The following CASK variants were observed in gnomAD, a reference collection of about 807,000 sequenced individuals.
CASK encodes the protein peripheral plasma membrane protein CASK.
CASK carries 4 observed loss-of-function variants against 82.9 expected under a neutral mutation model. The observed-to-expected ratio is 0.05, with a 90% CI of 0.02 to 0.11. The LOEUF (loss-of-function observed/expected upper bound fraction) is 0.11, where lower values mean the gene tolerates loss of function less well. CASK is among the 10% of genes least tolerant of loss of function. CASK has a pLI of 1.00. For missense variants in CASK, 358 were observed against 720.9 expected (o/e 0.50, Z 5.76); for synonymous variants, 259 against 253.5 (o/e 1.02, Z -0.20).
At chrX:41,760,271 G>A (rs751396198) in intron 3 of CASK, among the ~76,000 whole-genome samples, 1 of 112,033 alleles carries the variant, frequency 8.9e-6, no homozygotes, top group South Asian at 3.7e-4. Flanking sequence ...ACTAAAGTGA[G>A]GGGGAGGGAC....
At chrX:41,624,756 A>G (rs1236239776) in intron 10 of CASK, among the ~76,000 whole-genome samples, 1 of 111,719 alleles carries the variant, frequency 9.0e-6, no homozygotes, top group African/African-American at 3.3e-5. Flanking sequence ...GAGGAGAAGC[A>G]TAAATACTGA....
chrX:41,807,347 C>A (rs778839732), intron 2 of CASK, among the ~76,000 whole-genome samples: 1 of 111,476 alleles, frequency 9.0e-6, no homozygotes, highest in Non-Finnish European at 1.9e-5. Context: ...AAGGAAGATG[C>A]CATCAGAACC....
intron 8 of CASK, among the ~76,000 whole-genome samples, chrX:41,637,757 C>T (rs1489441827): frequency 9.0e-6 from 1 of 110,663 alleles, no homozygotes. Context: ...AATCCTCCCA[C>T]CTCAGCCTCC....
intron 2 of CASK, among the ~76,000 whole-genome samples, chrX:41,837,545 A>G (rs1177839018): frequency 8.9e-6 from 1 of 112,303 alleles, no homozygotes; most frequent in Non-Finnish European, 1.9e-5. Context: ...TCTGTTCTCC[A>G]GTTCTATAAT....
At chrX:41,800,138 TCTC>T (rs1307360625) in intron 2 of CASK, among the ~76,000 whole-genome samples, 1 of 111,008 alleles carries the variant, frequency 9.0e-6, no homozygotes, top group Non-Finnish European at 1.9e-5. Flanking sequence ...GCAGCTCCCA[TCTC>T]CTTCAACTTC....
chrX:41,598,134 G>GACACACACACACACACAC (rs757204318), intron 12 of CASK, among the ~76,000 whole-genome samples: 20 of 99,921 alleles, frequency 2.0e-4, no homozygotes, highest in African/African-American at 6.3e-4. Flanking sequence ...CTGAGGCCCT[G>GACACACACACACACACAC]ACACACACAC....
chrX:41,668,463 A>G (rs1352457413), intron 6 of CASK, among the ~76,000 whole-genome samples: 6 of 111,994 alleles, frequency 5.4e-5, no homozygotes, highest in African/African-American at 1.9e-4. Flanking sequence ...TAGATGCTCA[A>G]TTGTGAGGAG....
At chrX:41,770,001 G>A (rs757156812) in intron 3 of CASK, among the ~76,000 whole-genome samples, 115 of 110,796 alleles carry the variant, frequency 1.0e-3, no homozygotes, top group African/African-American at 3.7e-3. Flanking sequence ...CATCATCTTA[G>A]GCCAATAATT....
At chrX:41,565,333 C>A in intron 16 of CASK, among the ~76,000 whole-genome samples, 1 of 111,076 alleles carries the variant, frequency 9.0e-6, no homozygotes, top group East Asian at 2.8e-4. Flanking sequence ...ATTGATAGAC[C>A]GCTAGCAAGA....
chrX:41,651,917 A>G (rs1229944799), intron 8 of CASK, among the ~76,000 whole-genome samples: 1 of 111,504 alleles, frequency 9.0e-6, no homozygotes, highest in African/African-American at 3.3e-5. Context: ...GACAATAAAC[A>G]TATAAGTAAC....
At chrX:41,917,552 C>G (rs1417710694) in intron 1 of CASK, among the ~76,000 whole-genome samples, 1 of 111,862 alleles carries the variant, frequency 8.9e-6, no homozygotes, top group Non-Finnish European at 1.9e-5. Flanking sequence ...AGGAAATATC[C>G]AGGTACACAA....
intron 16 of CASK, among the ~76,000 whole-genome samples, chrX:41,566,781 A>ACAAT (rs749449774): frequency 0.27 from 29,341 of 110,613 alleles, 3,446 homozygotes; most frequent in Non-Finnish European, 0.37. Context: ...CATTGCCAAG[A>ACAAT]CAATCCTAAG....
At chrX:41,883,006 C>T (rs1441088961) in intron 1 of CASK, among the ~76,000 whole-genome samples, 1 of 111,923 alleles carries the variant, frequency 8.9e-6, no homozygotes, top group Non-Finnish European at 1.9e-5. Flanking sequence ...AAAGAAAAGA[C>T]TTTAAGGAAA....
chrX:41,718,002 G>T (rs1272978230), intron 5 of CASK, among the ~76,000 whole-genome samples: 2 of 112,412 alleles, frequency 1.8e-5, no homozygotes, highest in Non-Finnish European at 3.8e-5. Flanking sequence ...GGATGACAAG[G>T]TTGGAACATT....
chrX:41,635,611 A>C (rs1349615763), intron 9 of CASK: 1 of 111,199 alleles, frequency 9.0e-6, no homozygotes, highest in Non-Finnish European at 1.9e-5. Flanking sequence ...AGTGCTGAAA[A>C]GATTCCATTA....
Position 41,524,048 on chromosome X carries a change from A to C in CASK, c.2521-14T>G. ...GACCTTCAGTGCCTGTGTTAAGAAAAAAAAAAAAAATCCCGACTTAAAAGA... is the reference window on the plus strand; with the variant it reads ...GACCTTCAGTGCCTGTGTTAAGAAACAAAAAAAAAATCCCGACTTAAAAGA... On this transcript the variant is annotated splice_polypyrimidine_tract_variant and intron_variant, in intron 25 of 26. Transcript: ENST00000378163. 9.0e-7 allele frequency: 1 copy of C among 1,108,974 alleles called. No individual in the cohort carries two copies. The highest frequency in any genetic ancestry group is 1.2e-6 in the Non-Finnish European group (1 of 812,730). 91.4% of individuals were successfully genotyped at this position (1,108,974 alleles called of 1,213,427 possible). A position where few individuals can be genotyped will look rare whatever the true frequency, so the allele number is the denominator to read the frequency against.
At chrX:41,614,871 T>C (rs747861957) in intron 11 of CASK, among the ~76,000 whole-genome samples, 5 of 110,424 alleles carry the variant, frequency 4.5e-5, no homozygotes, top group Non-Finnish European at 5.7e-5. Context: ...CAGGTTGGAG[T>C]GCAGTGGCAC....
chrX:41,882,928 T>G (rs2071978249), intron 1 of CASK, among the ~76,000 whole-genome samples: 1 of 111,810 alleles, frequency 8.9e-6, no homozygotes, highest in Non-Finnish European at 1.9e-5. Context: ...TTCTCCCAAT[T>G]TATAAGTCTA....
At chrX:41,551,114 G>C (rs2065091782) in intron 21 of CASK, among the ~76,000 whole-genome samples, 1 of 111,551 alleles carries the variant, frequency 9.0e-6, no homozygotes, top group Admixed American at 9.5e-5. Flanking sequence ...AGTTAGTGGG[G>C]GTTAGGATAA....
Sources: gnomAD v4.1 joint callset for allele counts (sites outside exome capture counted in the v4.1 genomes callset) on GRCh38, gnomAD v4.1.1 for gene constraint, MANE v1.5 for transcripts, NCBI Gene and HGNC (gene_info 2026-07-23, HGNC 2026-07-21) for gene names.